PLPP3: variants seen among roughly 807,000 people sequenced by gnomAD.
The protein encoded by PLPP3 is phospholipid phosphatase 3.
In PLPP3, 6 loss-of-function variants were observed where a neutral mutation model predicts 29.6. That is an observed-to-expected ratio of 0.20 (90% CI 0.11 to 0.40). PLPP3 has a LOEUF of 0.40. Among genes scored for constraint, PLPP3 ranks in the 10% least tolerant of loss-of-function variants. The probability of loss-of-function intolerance (pLI) is 1.00; values close to 1 mark genes in which losing one functional copy is unlikely to be tolerated. For synonymous variants in PLPP3, 152 were observed against 159.7 expected (o/e 0.95, Z 0.36); for missense variants, 308 against 407.7 (o/e 0.76, Z 2.11).
intron 4 of PLPP3, among the ~76,000 whole-genome samples, chr1:56,514,882 T>A (rs1645770589): frequency 6.6e-6 from 1 of 152,178 alleles, no homozygotes; most frequent in African/African-American, 2.4e-5. Context: ...CAAAGACTAC[T>A]CCCTTAATGA....
At chr1:56,577,922 C>CT (rs1279231672) in intron 1 of PLPP3, among the ~76,000 whole-genome samples, 2 of 148,454 alleles carry the variant, frequency 1.3e-5, no homozygotes, top group Non-Finnish European at 3.0e-5. Context: ...CCATGATTCG[C>CT]TTTAAAAAAA....
intron 1 of PLPP3, among the ~76,000 whole-genome samples, chr1:56,571,899 C>T (rs1186072392): frequency 1.3e-5 from 2 of 152,058 alleles, no homozygotes; most frequent in Non-Finnish European, 2.9e-5. Context: ...GCTACAGTTC[C>T]CTCTTCTATA....
intron 2 of PLPP3, among the ~76,000 whole-genome samples, chr1:56,533,077 C>T (rs1327283127): frequency 6.7e-6 from 1 of 150,180 alleles, no homozygotes; most frequent in East Asian, 2.0e-4. Flanking sequence ...CTTTTTGATA[C>T]GTGGTCTCAT....
intron 5 of PLPP3, among the ~76,000 whole-genome samples, chr1:56,502,060 G>A (rs573325006): frequency 6.6e-6 from 1 of 152,296 alleles, no homozygotes; most frequent in South Asian, 2.1e-4. Context: ...CTGGGGTGCT[G>A]CCTGCCTAGA....
rs1224625522 is a variant in PLPP3 at position 56,564,241 on chromosome 1, A to G, written c.139+14637T>C. Among the ~76,000 whole-genome samples, 3 of 152,132 alleles carry G rather than the reference A, an allele frequency of 2.0e-5. No homozygotes were observed. In the East Asian group the frequency reaches 5.8e-4, roughly 29 times the overall value. The stretch of plus-strand genomic sequence containing the variant: ...CCAGTTAGAGGAATACCTCCCCTTC[A>G]GGCTTGTATGATTTGATGAGATTCG... On this transcript the variant is annotated intron_variant, in intron 1 of 5. Transcript: ENST00000371250.
At chr1:56,573,916 A>G (rs574476308) in intron 1 of PLPP3, among the ~76,000 whole-genome samples, 3 of 152,182 alleles carry the variant, frequency 2.0e-5, no homozygotes, top group African/African-American at 7.2e-5. Flanking sequence ...AAAAGCAGAA[A>G]AGGGGCCTGG....
intron 4 of PLPP3, among the ~76,000 whole-genome samples, chr1:56,516,307 C>T (rs1280295185): frequency 2.0e-5 from 3 of 152,196 alleles, no homozygotes; most frequent in African/African-American, 7.2e-5. Flanking sequence ...TCAGTGAGTA[C>T]ATTCTGGAGC....
chr1:56,527,548 G>A (rs978804463), intron 2 of PLPP3, among the ~76,000 whole-genome samples: 11 of 152,128 alleles, frequency 7.2e-5, no homozygotes, highest in African/African-American at 2.7e-4. Context: ...CTGCAGAAGA[G>A]CAATTGCAGA....
intron 2 of PLPP3, among the ~76,000 whole-genome samples, chr1:56,534,448 G>C (rs1029110): frequency 6.6e-6 from 1 of 152,232 alleles, no homozygotes; most frequent in South Asian, 2.1e-4. Flanking sequence ...ATCTGAATGG[G>C]AGCAGGGGCA....
chr1:56,539,262 CA>C lies in PLPP3; in HGVS notation c.140-2151del, dbSNP rs1184923717. Among the ~76,000 whole-genome samples the C allele has an allele frequency of 3.3e-5, 5 of 152,152 alleles. No individual in the cohort carries two copies. In the South Asian group the frequency reaches 8.3e-4, roughly 25 times the overall value. ...ATAAAATCCCATTTTTCATGTTTTT[CA>C]AAAAGAATTAAATTCACATCATGTT... is the stretch of plus-strand genomic sequence containing the variant. On this transcript the variant is annotated intron_variant, in intron 1 of 5. Coordinates refer to ENST00000371250, the MANE Select transcript of PLPP3 (RefSeq NM_003713.5).
intron 1 of PLPP3, among the ~76,000 whole-genome samples, chr1:56,563,042 G>A (rs1646140919): frequency 6.6e-6 from 1 of 152,198 alleles, no homozygotes; most frequent in South Asian, 2.1e-4. Flanking sequence ...GTCCACAGTG[G>A]AGGAAGAGCC....
At position 56,524,532 on chromosome 1, in the gene PLPP3, C is replaced by T. The variant is rs1243496213; in HGVS notation, c.320G>A (p.Arg107Gln). The change falls in exon 3 of 6, where the codon CGG (arginine) becomes CAG (glutamine). Residue 107 changes from arginine (R) to glutamine (Q), a missense_variant. Around this residue, in one of 3 missense-constraint regions of PLPP3, gnomAD observed 232 missense variants for 317.2 expected, o/e 0.73. Transcript: ENST00000371250. The surrounding 1 kb of genome is among the most constrained non-coding windows in gnomAD (Gnocchi z 4.3). ...CCGCGACTTCTTCAGGTAATAGATCCGGTAGAATTCCCCCGTGATGATCTA... is the reference window on the plus strand; with the variant it reads ...CCGCGACTTCTTCAGGTAATAGATCTGGTAGAATTCCCCCGTGATGATCTA... Reference protein sequence around the residue: ...ILAIITGEFYRIYYLKKSRST... With the variant: ...ILAIITGEFYQIYYLKKSRST... 2.5e-6 allele frequency: 4 copies of T among 1,610,282 alleles called. No homozygotes were observed. The highest frequency in any genetic ancestry group is 2.5e-6 in the Non-Finnish European group (3 of 1,176,850).
At position 56,552,294 on chromosome 1, in the gene PLPP3, G is replaced by A. The variant is rs181250095; in HGVS notation, c.140-15182C>T. Among the ~76,000 whole-genome samples, 54 of 151,652 alleles carry A rather than the reference G, an allele frequency of 3.6e-4. 1 individual carries two copies. In the East Asian group the frequency reaches 0.01, roughly 28 times the overall value. On this transcript the variant is annotated intron_variant, in intron 1 of 5. Coordinates refer to ENST00000371250, the MANE Select transcript of PLPP3 (RefSeq NM_003713.5). ...GATTCCGGGCCCTGCCCAGATCTAC[G>A]TGACCCGAATTTCAGGGGAAGGGCA...
At chr1:56,533,210 A>C (rs1471615639) in intron 2 of PLPP3, among the ~76,000 whole-genome samples, 1 of 152,046 alleles carries the variant, frequency 6.6e-6, no homozygotes, top group Admixed American at 6.6e-5. Flanking sequence ...ACATGCCACC[A>C]AGCCCAGCTT....
At chr1:56,528,989 A>G (rs1645869926) in intron 2 of PLPP3, among the ~76,000 whole-genome samples, 1 of 151,760 alleles carries the variant, frequency 6.6e-6, no homozygotes, top group Admixed American at 6.6e-5. Context: ...CAGCCTAACA[A>G]TCTCTTTCAG....
chr1:56,561,866 C>T (rs1421832905), intron 1 of PLPP3, among the ~76,000 whole-genome samples: 1 of 151,462 alleles, frequency 6.6e-6, no homozygotes, highest in East Asian at 2.0e-4. Flanking sequence ...GAAACCCTGC[C>T]CTTACTAAAA....
intron 4 of PLPP3, among the ~76,000 whole-genome samples, chr1:56,520,725 A>T (rs1012664391): frequency 7.9e-5 from 12 of 151,660 alleles, no homozygotes; most frequent in African/African-American, 2.7e-4. Flanking sequence ...AGCCTGGCCA[A>T]CATGGTGAAA....
At chr1:56,563,734 C>G (rs978671548) in intron 1 of PLPP3, among the ~76,000 whole-genome samples, 1 of 152,192 alleles carries the variant, frequency 6.6e-6, no homozygotes, top group African/African-American at 2.4e-5. Flanking sequence ...ATAGACATTG[C>G]TGACCAAGTT....
At chr1:56,565,330 C>G (rs898391318) in intron 1 of PLPP3, among the ~76,000 whole-genome samples, 6 of 152,022 alleles carry the variant, frequency 3.9e-5, no homozygotes, top group African/African-American at 1.4e-4. Context: ...ACCACAAGGA[C>G]AGTAGCTCGA....
Sources: gnomAD v4.1 joint callset for allele counts (sites outside exome capture counted in the v4.1 genomes callset) on GRCh38, gnomAD v4.1.1 for gene constraint, gnomAD v4.1.1 regional missense constraint, Gnocchi (gnomAD v3.1) non-coding constraint, MANE v1.5 for transcripts, NCBI Gene and HGNC (gene_info 2026-07-23, HGNC 2026-07-21) for gene names.